The following LRP1B variants were observed in gnomAD, a reference collection of about 807,000 sequenced individuals.
LRP1B encodes the protein low-density lipoprotein receptor-related protein 1B.
A neutral mutation model predicts 556.6 loss-of-function variants in LRP1B; 217 were observed. The observed-to-expected ratio is 0.39, with a 90% confidence interval of 0.35 to 0.44. The LOEUF (loss-of-function observed/expected upper bound fraction) is 0.44, where lower values mean the gene tolerates loss of function less well. LRP1B is among the 20% of genes least tolerant of loss of function. The pLI, the probability that LRP1B is intolerant of heterozygous loss-of-function variation, is 1.00. For missense variants in LRP1B, 5,053 were observed against 5,620.8 expected (o/e 0.90, Z 3.23); for synonymous variants, 2,047 against 1,865.8 (o/e 1.10, Z -2.50).
intron 66 of LRP1B, among the ~76,000 whole-genome samples, chr2:140,426,162 CTTGACA>C (rs1474377279): frequency 6.6e-6 from 1 of 152,164 alleles, no homozygotes; most frequent in Admixed American, 6.6e-5. Flanking sequence ...TTGAGAGTGC[CTTGACA>C]TTCAACCTTG....
chr2:141,642,565 T>C (rs1255756707), intron 2 of LRP1B, among the ~76,000 whole-genome samples: 1 of 152,112 alleles, frequency 6.6e-6, no homozygotes, highest in Non-Finnish European at 1.5e-5. Context: ...CCTTCTTAAA[T>C]CACTTGGAAA....
chr2:140,264,417 TG>T (rs776134746), intron 86 of LRP1B, among the ~76,000 whole-genome samples: 1 of 152,034 alleles, frequency 6.6e-6, no homozygotes, highest in Non-Finnish European at 1.5e-5. Flanking sequence ...TTAGTGGGGA[TG>T]GGGTTTCACC....
chr2:140,407,548 T>C (rs765692435), intron 66 of LRP1B, among the ~76,000 whole-genome samples: 32 of 151,816 alleles, frequency 2.1e-4, no homozygotes, highest in Non-Finnish European at 3.5e-4. Context: ...CAAAATAAGA[T>C]ACACAAACAG....
At chr2:142,098,194 T>G (rs981759176) in intron 1 of LRP1B, among the ~76,000 whole-genome samples, 1 of 151,720 alleles carries the variant, frequency 6.6e-6, no homozygotes, top group East Asian at 1.9e-4. Flanking sequence ...AGAAATTTGC[T>G]GGAGATTGGA....
chr2:141,376,215 C>T (rs1689429484), intron 3 of LRP1B, among the ~76,000 whole-genome samples: 1 of 152,152 alleles, frequency 6.6e-6, no homozygotes, highest in Non-Finnish European at 1.5e-5. Flanking sequence ...TCTCTTTTTG[C>T]AGCAACATCT....
In LRP1B at chr2:141,583,221, A is replaced by C. The variant is rs188268996; in HGVS notation, c.206-102688T>G. 8.5e-4 allele frequency among the ~76,000 whole-genome samples: 129 copies of C among 152,306 alleles called. 2 individuals carry two copies. Among genetic ancestry groups the C allele is most frequent in the Non-Finnish European group, 1.8e-4 (12 of 68,032 alleles). ...AAAGGAAGACTTATTTCGCAACTGA[A>C]AAATTGTATGGAAATCTGGAATGAG... is the stretch of plus-strand genomic sequence containing the variant. On this transcript the variant is annotated intron_variant, in intron 2 of 90. Transcript: ENST00000389484.
intron 83 of LRP1B, among the ~76,000 whole-genome samples, chr2:140,308,171 C>T (rs1684144197): frequency 2.0e-5 from 3 of 151,766 alleles, no homozygotes; most frequent in African/African-American, 4.8e-5. Context: ...TTTTCAATAA[C>T]TTACTGCAAA....
chr2:140,591,027 T>C (rs1355059971), intron 43 of LRP1B, among the ~76,000 whole-genome samples: 2 of 152,214 alleles, frequency 1.3e-5, no homozygotes, highest in African/African-American at 4.8e-5. Context: ...TTCTAAAGAT[T>C]AGAAAGTTAT....
intron 7 of LRP1B, among the ~76,000 whole-genome samples, chr2:141,090,385 T>G (rs1019997179): frequency 6.6e-6 from 1 of 152,190 alleles, no homozygotes; most frequent in Non-Finnish European, 1.5e-5. Context: ...CAGAATAAGT[T>G]TTGTAAAGGT....
At chr2:140,404,270 G>A (rs917715950) in intron 66 of LRP1B, among the ~76,000 whole-genome samples, 2 of 148,628 alleles carry the variant, frequency 1.3e-5, no homozygotes, top group Admixed American at 6.8e-5. Flanking sequence ...TGCCTCCTGG[G>A]TTCACGCCAT....
At chr2:142,063,992 G>C (rs974588191) in intron 1 of LRP1B, among the ~76,000 whole-genome samples, 1 of 151,454 alleles carries the variant, frequency 6.6e-6, no homozygotes, top group African/African-American at 2.4e-5. Context: ...GGCACTCAAG[G>C]CTTTTCCATT....
intron 1 of LRP1B, among the ~76,000 whole-genome samples, chr2:141,988,621 A>G (rs1702263710): frequency 6.6e-6 from 1 of 152,008 alleles, no homozygotes; most frequent in South Asian, 2.1e-4. Context: ...TCTTTTGGTA[A>G]GAGTTTATTT....
At chr2:140,668,644 T>A (rs1685372290) in intron 41 of LRP1B, among the ~76,000 whole-genome samples, 2 of 152,070 alleles carry the variant, frequency 1.3e-5, no homozygotes, top group Admixed American at 1.3e-4. Context: ...AACATAAATT[T>A]TATTTATATA....
chr2:140,250,586 A>C (rs369609321), intron 86 of LRP1B, among the ~76,000 whole-genome samples: 3 of 151,114 alleles, frequency 2.0e-5, no homozygotes, highest in Admixed American at 6.6e-5. Context: ...TTCCATTTCC[A>C]TAACAGTTGT....
At chr2:140,933,848 C>T (rs1380580294) in intron 20 of LRP1B, among the ~76,000 whole-genome samples, 1 of 151,784 alleles carries the variant, frequency 6.6e-6, no homozygotes, top group Non-Finnish European at 1.5e-5. Context: ...TAGAAATAGG[C>T]TTTGTTATTA....
chr2:141,113,584 T>G (rs2104973703), intron 7 of LRP1B, among the ~76,000 whole-genome samples: 1 of 152,266 alleles, frequency 6.6e-6, no homozygotes, highest in South Asian at 2.1e-4. Context: ...TTTTAAGTTC[T>G]AGTTCTTTGA....
At chr2:140,373,620 G>C (rs930939566) in intron 68 of LRP1B, among the ~76,000 whole-genome samples, 1 of 152,020 alleles carries the variant, frequency 6.6e-6, no homozygotes, top group African/African-American at 2.4e-5. Context: ...GATAATAAAA[G>C]AGTTAAAGAA....
At chr2:141,403,397 A>G (rs73963073) in intron 3 of LRP1B, among the ~76,000 whole-genome samples, 3,776 of 152,256 alleles carry the variant, frequency 0.025, 160 homozygotes, top group African/African-American at 0.086. Context: ...TAAGTTTACA[A>G]AAAACTCAAT....
chr2:140,947,031 G>A (rs558330703), intron 20 of LRP1B, among the ~76,000 whole-genome samples: 57 of 152,280 alleles, frequency 3.7e-4, no homozygotes, highest in Non-Finnish European at 7.4e-4. Context: ...GAGAAGGAAT[G>A]TGAGCAAGGG....
Sources: allele counts gnomAD v4.1 joint callset (sites outside exome capture counted in the v4.1 genomes callset), GRCh38; gene constraint gnomAD v4.1.1; transcripts MANE v1.5; gene names NCBI Gene and HGNC (gene_info 2026-07-23, HGNC 2026-07-21).